The following ACKR4 variants were observed in gnomAD, a reference collection of about 807,000 sequenced individuals.
ACKR4 encodes the protein atypical chemokine receptor 4.
In ACKR4, 2 loss-of-function variants were observed where a neutral mutation model predicts 8.5. The ratio of observed to expected loss-of-function variants is 0.23; its 90% CI spans 0.10 to 0.74. The LOEUF is 0.74. Among genes scored for constraint, ACKR4 ranks in the 30% least tolerant of loss-of-function variants. The probability of loss-of-function intolerance (pLI) is 0.75; values close to 1 mark genes in which losing one functional copy is unlikely to be tolerated. For synonymous variants in ACKR4, 67 were observed against 145.0 expected (o/e 0.46, Z 3.86); for missense variants, 167 against 422.1 (o/e 0.40, Z 5.30).
At chr3:132,599,530 T>C (rs1938475076) in intron 1 of ACKR4, among the ~76,000 whole-genome samples, 1 of 151,618 alleles carries the variant, frequency 6.6e-6, no homozygotes, top group African/African-American at 2.4e-5. Flanking sequence ...ATATTAAATA[T>C]TAAAAAAGAA....
chr3:132,598,301 C>G (rs1938405579), intron 1 of ACKR4, among the ~76,000 whole-genome samples: 1 of 152,162 alleles, frequency 6.6e-6, no homozygotes, highest in East Asian at 1.9e-4. Context: ...CTACGGGGTG[C>G]TAGTAGCCAA....
In ACKR4 at chr3:132,600,690, C is replaced by T. The variant is rs1938539465; in HGVS notation, c.293C>T (p.Ala98Val). 1 of 1,613,834 alleles carries T rather than the reference C, an allele frequency of 6.2e-7. No individual in the cohort carries two copies. Among genetic ancestry groups the T allele is most frequent in the Middle Eastern group, 1.7e-4 (1 of 6,056 alleles). ...CTTCTATTCACTCTGCCTTTTTGGG[C>T]TGTTAATGCAGTTCATGGGTGGGTT... ...LLLLFTLPFW[A>V]VNAVHGWVLG... Residue 98 changes from alanine (A) to valine (V), a missense_variant, in exon 2 of 2, where the codon GCT becomes GTT. Ala to Val is a moderately conservative substitution (Grantham distance 64, BLOSUM62 0). Transcript: ENST00000249887.
At position 132,601,139 on chromosome 3, in the gene ACKR4, G is replaced by C. The variant is rs776074050; in HGVS notation, c.742G>C (p.Val248Leu). ...AAAAGTTCTGCTCACAGTCGTTATAGTTTTCATTGTCACTCAACTGCCTTA... is the reference window on the plus strand; with the variant it reads ...AAAAGTTCTGCTCACAGTCGTTATACTTTTCATTGTCACTCAACTGCCTTA... ...PLKVLLTVVI[V>L]FIVTQLPYNI... Residue 248 changes from valine to leucine, a missense_variant, in exon 2 of 2, where the codon GTT becomes CTT. Transcript: ENST00000249887. The C allele has an allele frequency of 1.2e-6, 2 of 1,607,018 alleles. No homozygotes were observed. Among genetic ancestry groups the C allele is most frequent in the African/African-American group, 2.7e-5 (2 of 74,490 alleles).
In ACKR4 at chr3:132,598,571, G is replaced by A. The variant is rs145468844; in HGVS notation, c.-10+1248G>A. Among the ~76,000 whole-genome samples, 435 of 152,332 alleles carry A rather than the reference G, an allele frequency of 2.9e-3. 5 individuals are homozygous for A. The highest frequency in any genetic ancestry group is 9.2e-3 in the African/African-American group (384 of 41,574). On this transcript the variant is annotated intron_variant, in intron 1 of 1. Transcript: ENST00000249887. ...ACAGAATGGATCAGTTCTCTGAGGG[G>A]TATGTAGAGATTGCTAATACATCAG...
intron 1 of ACKR4, among the ~76,000 whole-genome samples, chr3:132,598,991 G>A (rs926955132): frequency 1.3e-5 from 2 of 151,984 alleles, no homozygotes; most frequent in Non-Finnish European, 2.9e-5. Context: ...AGGTATTGAG[G>A]AGGAGTAACA....
At chr3:132,598,256 A>C (rs1255445575) in intron 1 of ACKR4, among the ~76,000 whole-genome samples, 1 of 152,228 alleles carries the variant, frequency 6.6e-6, no homozygotes, top group Non-Finnish European at 1.5e-5. Context: ...TATACATTCC[A>C]AAACTTACGA....
intron 1 of ACKR4, among the ~76,000 whole-genome samples, chr3:132,599,919 T>C (rs1184423863): frequency 6.6e-6 from 1 of 152,112 alleles, no homozygotes; most frequent in African/African-American, 2.4e-5. Context: ...AAAAAATAAA[T>C]TTAATTTAAA....
intron 1 of ACKR4, among the ~76,000 whole-genome samples, chr3:132,599,141 C>T (rs1049143627): frequency 7.9e-5 from 12 of 151,872 alleles, no homozygotes; most frequent in Admixed American, 3.3e-4. Context: ...GGCAAAACCC[C>T]GTCTCTATCA....
intron 1 of ACKR4, among the ~76,000 whole-genome samples, chr3:132,598,744 T>C (rs927007961): frequency 1.3e-5 from 2 of 152,196 alleles, no homozygotes; most frequent in African/African-American, 4.8e-5. Flanking sequence ...AGCCCACTGC[T>C]GAGAAATTAG....
intron 1 of ACKR4, among the ~76,000 whole-genome samples, chr3:132,597,961 C>T (rs1278910107): frequency 6.6e-6 from 1 of 152,016 alleles, no homozygotes; most frequent in Non-Finnish European, 1.5e-5. Context: ...AAAGTTGGCA[C>T]CCGGTTTTTA....
In ACKR4 at chr3:132,601,192, A is replaced by G. The variant is rs760593988; in HGVS notation, c.795A>G (p.Ile265Met). 62 of 1,613,622 alleles carry G rather than the reference A, an allele frequency of 3.8e-5. No homozygotes were observed. The East Asian group carries it at 1.3e-3, about 34-fold the overall frequency. ...PYNIVKFCRA[I>M]DIIYSLITSC... The stretch of plus-strand genomic sequence containing the variant: ...ACATTGTCAAGTTCTGCCGAGCCAT[A>G]GACATCATCTACTCCCTGATCACCA... Residue 265 changes from isoleucine to methionine, a missense_variant, in exon 2 of 2, where the codon ATA becomes ATG. By Grantham distance (10) the Ile-to-Met change is conservative (BLOSUM62 1). Around this residue, in one of 2 missense-constraint regions of ACKR4, gnomAD observed 18 missense variants for 140.2 expected, o/e 0.13. Transcript: ENST00000249887.
intron 1 of ACKR4, among the ~76,000 whole-genome samples, chr3:132,598,312 C>T (rs1938405904): frequency 6.6e-6 from 1 of 152,198 alleles, no homozygotes; most frequent in Admixed American, 6.5e-5. Flanking sequence ...TAGTAGCCAA[C>T]ATAGTGCAAT....
chr3:132,602,100 A>G lies in ACKR4; in HGVS notation c.*650A>G, dbSNP rs1344149849. The G allele has an allele frequency of 6.0e-6, 1 of 166,760 alleles. No individual in the cohort carries two copies. The highest frequency in any genetic ancestry group is 1.5e-5 in the Non-Finnish European group (1 of 68,024). The allele number at this position is 166,760 out of a possible 1,614,324, so 10.3% of individuals were successfully genotyped here. A position where few individuals can be genotyped will look rare whatever the true frequency, so the allele number is the denominator to read the frequency against. Reference sequence around the variant, plus strand: ...TTCCCTGCATAATTTTAGTACTTGAATAAGTATGCAGCAGAACTCCAACTA... The same window carrying G: ...TTCCCTGCATAATTTTAGTACTTGAGTAAGTATGCAGCAGAACTCCAACTA... On this transcript the variant is annotated 3_prime_UTR_variant, in exon 2 of 2. Coordinates refer to ENST00000249887, the MANE Select transcript of ACKR4 (RefSeq NM_016557.4).
rs1460447907 is a variant in ACKR4, at chr3:132,600,576, C to A, written c.179C>A (p.Ser60Tyr). ...IVFVIGLAGN[S>Y]MVVAIYAYYK... is the part of the protein sequence containing the mutation. Reference sequence around the variant, plus strand: ...TTCGTCATTGGACTTGCAGGCAATTCCATGGTAGTGGCAATTTATGCCTAT... The same window carrying A: ...TTCGTCATTGGACTTGCAGGCAATTACATGGTAGTGGCAATTTATGCCTAT... Residue 60 changes from serine to tyrosine, a missense_variant, in exon 2 of 2, where the codon TCC (serine) becomes TAC (tyrosine). Physicochemically the swap from Ser to Tyr is moderately radical, Grantham distance 144 (BLOSUM62 -2). Transcript: ENST00000249887. The A allele has an allele frequency of 6.2e-7, 1 of 1,613,922 alleles. No homozygotes were observed. Among genetic ancestry groups the A allele is most frequent in the South Asian group, 1.1e-5 (1 of 91,060 alleles).
In ACKR4 at chr3:132,600,869, T is replaced by C; in HGVS notation, c.472T>C (p.Cys158Arg). 6.2e-7 allele frequency: 1 copy of C among 1,613,936 alleles called. No individual in the cohort carries two copies. The highest frequency in any genetic ancestry group is 8.5e-7 in the Non-Finnish European group (1 of 1,179,860). Residue 158 changes from cysteine to arginine, a missense_variant, in exon 2 of 2, where the codon TGT becomes CGT. Cys to Arg is a radical substitution (Grantham distance 180, BLOSUM62 -3). Coordinates refer to ENST00000249887, the MANE Select transcript of ACKR4 (RefSeq NM_016557.4). ...SGVGKPCWII[C>R]FCVWMAAILL... ...AGTGGGAAAACCATGCTGGATCATC[T>C]GTTTCTGTGTCTGGATGGCTGCCAT...
At position 132,601,260 on chromosome 3, in the gene ACKR4, C is replaced by T; in HGVS notation, c.863C>T (p.Thr288Ile). 1 of 1,614,026 alleles carries T rather than the reference C, an allele frequency of 6.2e-7. No individual in the cohort carries two copies. Reference protein sequence around the residue: ...SKRMDIAIQVTESIALFHSCL... With the variant: ...SKRMDIAIQVIESIALFHSCL... Reference sequence around the variant, plus strand: ...CGCATGGACATCGCCATCCAAGTCACAGAAAGCATCGCACTCTTTCACAGC... The same window carrying T: ...CGCATGGACATCGCCATCCAAGTCATAGAAAGCATCGCACTCTTTCACAGC... Residue 288 changes from threonine (T) to isoleucine (I), a missense_variant, in exon 2 of 2, where the codon ACA (threonine) becomes ATA (isoleucine). By Grantham distance (89) the Thr-to-Ile change is moderately conservative (BLOSUM62 -1). Around this residue, in one of 2 missense-constraint regions of ACKR4, gnomAD observed 18 missense variants for 140.2 expected, o/e 0.13. Coordinates refer to ENST00000249887, the MANE Select transcript of ACKR4 (RefSeq NM_016557.4).
intron 1 of ACKR4, among the ~76,000 whole-genome samples, chr3:132,599,526 A>G (rs903860248): frequency 6.6e-6 from 1 of 152,112 alleles, no homozygotes; most frequent in Non-Finnish European, 1.5e-5. Flanking sequence ...TTAAATATTA[A>G]ATATTAAAAA....
intron 1 of ACKR4, 77 bp from the exon 2 acceptor site, chr3:132,600,311 CA>C (rs1449029208): frequency 7.9e-7 from 1 of 1,270,552 alleles, no homozygotes; most frequent in African/African-American, 1.5e-5. Context: ...AGGGAAAGAA[CA>C]AAACAGCTTG....
At chr3:132,600,129 C>T (rs1014258563) in intron 1 of ACKR4, among the ~76,000 whole-genome samples, 1 of 152,090 alleles carries the variant, frequency 6.6e-6, no homozygotes, top group Non-Finnish European at 1.5e-5. Context: ...AGAAAATTCT[C>T]CAGGGCATTA....
Sources: allele counts gnomAD v4.1 joint callset (sites outside exome capture counted in the v4.1 genomes callset), GRCh38; gene constraint gnomAD v4.1.1; regional missense constraint gnomAD v4.1.1; transcripts MANE v1.5; gene names NCBI Gene and HGNC (gene_info 2026-07-23, HGNC 2026-07-21).